The following EIF4E3 variants were observed in gnomAD, a reference collection of about 807,000 sequenced individuals.
EIF4E3 encodes eukaryotic translation initiation factor 4E family member 3, also known as eukaryotic translation initiation factor 4E type 3.
A neutral mutation model predicts 31.7 loss-of-function variants in EIF4E3; 26 were observed. That is an observed-to-expected ratio of 0.82 (90% CI 0.60 to 1.14). The LOEUF is 1.14. Among genes scored for constraint, EIF4E3 ranks in the 50% most tolerant of loss-of-function variants. EIF4E3 has a pLI of 0.00. For missense variants in EIF4E3, 304 were observed against 270.9 expected (o/e 1.12, Z -0.86); for synonymous variants, 128 against 107.7 (o/e 1.19, Z -1.17).
At chr3:71,712,852 CAA>C (rs11403409) in intron 1 of EIF4E3, among the ~76,000 whole-genome samples, 10,679 of 121,086 alleles carry the variant, frequency 0.088, 425 homozygotes, top group Non-Finnish European at 0.1. Flanking sequence ...TAACCTAGAC[CAA>C]AAAAAAAAAA....
rs1259194939 is a variant in EIF4E3 at position 71,714,279 on chromosome 3, AAGG to A, written c.177-3798_177-3796del. On this transcript the variant is annotated intron_variant, in intron 1 of 6. Coordinates refer to ENST00000425534, the MANE Select transcript of EIF4E3 (RefSeq NM_001134651.2). Reference sequence around the variant, plus strand: ...GAAGGAAGGAAGGAAGGAAAGAAGGAAGGAAGGAAGGAAGGAAGGAAGGAACGA... The same window carrying A: ...GAAGGAAGGAAGGAAGGAAAGAAGGAAAGGAAGGAAGGAAGGAAGGAACGA... Among the ~76,000 whole-genome samples, 335 of 140,598 alleles carry A rather than the reference AAGG, an allele frequency of 2.4e-3. 2 individuals carry two copies. Among genetic ancestry groups the A allele is most frequent in the African/African-American group, 9.1e-3 (318 of 34,762 alleles). The allele number at this position is 140,598 out of a possible 152,430, so 92.2% of individuals were successfully genotyped here. A position where few individuals can be genotyped will look rare whatever the true frequency, so the allele number is the denominator to read the frequency against.
chr3:71,697,792 A>C (rs2049160375), intron 3 of EIF4E3, among the ~76,000 whole-genome samples: 1 of 151,976 alleles, frequency 6.6e-6, no homozygotes, highest in Non-Finnish European at 1.5e-5. Flanking sequence ...CATGTACCAT[A>C]TTTTCTTTAG....
chr3:71,702,662 T>C (rs1285415861), intron 2 of EIF4E3, among the ~76,000 whole-genome samples: 1 of 150,624 alleles, frequency 6.6e-6, no homozygotes, highest in Non-Finnish European at 1.5e-5. Flanking sequence ...CACATATTTG[T>C]ACGTTTTTGC....
rs2049100826 is a variant in EIF4E3 at position 71,694,048 on chromosome 3, T to A, written c.406-107A>T. 3 of 1,101,068 alleles carry A rather than the reference T, an allele frequency of 2.7e-6. No individual in the cohort carries two copies. The Admixed American group carries it at 8.9e-5, about 33-fold the overall frequency. 68.2% of individuals were successfully genotyped at this position (1,101,068 alleles called of 1,614,324 possible). A position where few individuals can be genotyped will look rare whatever the true frequency, so the allele number is the denominator to read the frequency against. On this transcript the variant is annotated intron_variant, in intron 4 of 6. Transcript: ENST00000425534. ...ATGTTTTCTTCAACTTCACATGCACTTTCTGTGCCCATACTTGGAGTCCAC... is the reference window on the plus strand; with the variant it reads ...ATGTTTTCTTCAACTTCACATGCACATTCTGTGCCCATACTTGGAGTCCAC...
chr3:71,703,379 C>G (rs1298856108), intron 2 of EIF4E3, among the ~76,000 whole-genome samples: 1 of 152,190 alleles, frequency 6.6e-6, no homozygotes, highest in East Asian at 1.9e-4. Context: ...GATTTAAGAC[C>G]TAGGTTCTCA....
chr3:71,704,530 G>T (rs973923858), intron 2 of EIF4E3, among the ~76,000 whole-genome samples: 1 of 152,224 alleles, frequency 6.6e-6, no homozygotes, highest in Non-Finnish European at 1.5e-5. Context: ...GGGGTCGGGG[G>T]AAGGCAGCCA....
At chr3:71,725,496 C>G (rs1441925369), upstream of EIF4E3, 38 of 367,048 alleles carry the variant, frequency 1.0e-4, no homozygotes, top group Non-Finnish European at 1.4e-4. This position sits in a 1 kb window ranked among gnomAD's most constrained non-coding sequence, Gnocchi z 6.1. Context: ...GCCCGCCGCC[C>G]GCCGCCCGCC....
chr3:71,709,857 T>C (rs1276490461), intron 2 of EIF4E3, among the ~76,000 whole-genome samples: 1 of 152,014 alleles, frequency 6.6e-6, no homozygotes, highest in Non-Finnish European at 1.5e-5. Flanking sequence ...AGGTAGGTGC[T>C]ACCATTAGAC....
chr3:71,733,852 C>A lies in EIF4E3; in HGVS notation c.-290-5229G>T, dbSNP rs553428960. On this transcript the variant is annotated intron_variant, in intron 1 of 7. Transcript: ENST00000295612. Reference sequence around the variant, plus strand: ...ATTAGTAAAGGAAAATAAAGCAATTCTTGAAAGGAAGCTGCATTATTTGTT... The same window carrying A: ...ATTAGTAAAGGAAAATAAAGCAATTATTGAAAGGAAGCTGCATTATTTGTT... 1.8e-4 allele frequency among the ~76,000 whole-genome samples: 27 copies of A among 152,074 alleles called. No individual in the cohort carries two copies. In the South Asian group the frequency reaches 3.9e-3, roughly 22 times the overall value.
chr3:71,689,124 G>A (rs924215294), intron 6 of EIF4E3, among the ~76,000 whole-genome samples: 1 of 152,172 alleles, frequency 6.6e-6, no homozygotes, highest in Non-Finnish European at 1.5e-5. Flanking sequence ...CCAATAATGT[G>A]TTACAGTTTA....
At chr3:71,687,529 G>A (rs984270731) in intron 6 of EIF4E3, among the ~76,000 whole-genome samples, 4 of 152,168 alleles carry the variant, frequency 2.6e-5, no homozygotes, top group African/African-American at 7.2e-5. Flanking sequence ...AGAGCGGAGA[G>A]GGTAACACAG....
intron 1 of EIF4E3, among the ~76,000 whole-genome samples, chr3:71,720,007 G>C (rs1330905376): frequency 6.6e-6 from 1 of 151,412 alleles, no homozygotes. Flanking sequence ...GAGAATGCCT[G>C]TCTCAAAATA....
At chr3:71,750,614 T>C (rs896498765) in intron 1 of EIF4E3, among the ~76,000 whole-genome samples, 1 of 152,194 alleles carries the variant, frequency 6.6e-6, no homozygotes, top group Non-Finnish European at 1.5e-5. Flanking sequence ...ATCATGAGGA[T>C]GGACTCTAAA....
chr3:71,731,593 G>A (rs1256127958), intron 1 of EIF4E3, among the ~76,000 whole-genome samples: 1 of 152,202 alleles, frequency 6.6e-6, no homozygotes, highest in Non-Finnish European at 1.5e-5. Flanking sequence ...TCCATGGCTG[G>A]CACACCAGCA....
upstream of EIF4E3, chr3:71,753,921 G>A: frequency 1.0e-6 from 1 of 993,418 alleles, no homozygotes; most frequent in South Asian, 4.5e-5. Context: ...GCCGGGAGCG[G>A]GCTGAGCCCC....
intron 1 of EIF4E3, among the ~76,000 whole-genome samples, chr3:71,715,047 C>T (rs1417529557): frequency 6.6e-6 from 1 of 152,214 alleles, no homozygotes; most frequent in East Asian, 1.9e-4. Flanking sequence ...CTCCACAGTC[C>T]AGGGGTGCTC....
intron 1 of EIF4E3, among the ~76,000 whole-genome samples, chr3:71,750,486 C>T (rs771852499): frequency 1.4e-4 from 22 of 152,142 alleles, no homozygotes; most frequent in Non-Finnish European, 2.8e-4. Context: ...CCTTCCCTCT[C>T]GAAAGGGGTT....
At chr3:71,702,421 T>A (rs1199530325) in intron 2 of EIF4E3, among the ~76,000 whole-genome samples, 1 of 152,210 alleles carries the variant, frequency 6.6e-6, no homozygotes, top group African/African-American at 2.4e-5. Flanking sequence ...GTCAAAGTTG[T>A]CAAATCTTGA....
At position 71,712,849 on chromosome 3, in the gene EIF4E3, G is replaced by C. The variant is rs1291767564; in HGVS notation, c.177-2365C>G. 1.5e-4 allele frequency among the ~76,000 whole-genome samples: 10 copies of C among 67,576 alleles called. No homozygotes were observed. The Admixed American group carries it at 2.3e-3, about 15-fold the overall frequency. 44.3% of individuals were successfully genotyped at this position (67,576 alleles called of 152,430 possible). A position where few individuals can be genotyped will look rare whatever the true frequency, so the allele number is the denominator to read the frequency against. On this transcript the variant is annotated intron_variant, in intron 1 of 6. Coordinates refer to ENST00000425534, the MANE Select transcript of EIF4E3 (RefSeq NM_001134651.2). ...TGTGAGGATAATACCATTTAACCTA[G>C]ACCAAAAAAAAAAAAAAAAAAAGCA...
Sources: gnomAD v4.1 joint callset for allele counts (sites outside exome capture counted in the v4.1 genomes callset) on GRCh38, gnomAD v4.1.1 for gene constraint, Gnocchi (gnomAD v3.1) non-coding constraint, MANE v1.5 for transcripts, NCBI Gene and HGNC (gene_info 2026-07-23, HGNC 2026-07-21) for gene names.